The following CDK14 variants were observed in gnomAD, a reference collection of about 807,000 sequenced individuals.
CDK14 encodes cyclin dependent kinase 14, also known as cyclin-dependent kinase 14.
CDK14 carries 34 observed loss-of-function variants against 60.7 expected under a neutral mutation model. That is an observed-to-expected ratio of 0.56 (90% confidence interval 0.43 to 0.75). The LOEUF (loss-of-function observed/expected upper bound fraction) is 0.75, where lower values mean the gene tolerates loss of function less well. CDK14 is among the 30% of genes least tolerant of loss of function. The probability of loss-of-function intolerance (pLI) is 0.00; values close to 1 mark genes in which losing one functional copy is unlikely to be tolerated. For missense variants in CDK14, 482 were observed against 564.1 expected, an observed-to-expected ratio of 0.85 and a Z score of 1.47; for synonymous variants, 197 against 203.7, an observed-to-expected ratio of 0.97 and a Z score of 0.28.
intron 14 of CDK14, among the ~76,000 whole-genome samples, chr7:91,144,913 G>A (rs969739854): frequency 2.6e-5 from 4 of 152,158 alleles, no homozygotes; most frequent in African/African-American, 9.7e-5. Flanking sequence ...AATTAGATAG[G>A]TATTAGGGAC....
At chr7:91,007,122 C>G (rs1796000883) in intron 10 of CDK14, among the ~76,000 whole-genome samples, 2 of 152,182 alleles carry the variant, frequency 1.3e-5, no homozygotes, top group South Asian at 4.1e-4. Flanking sequence ...TGCTCCAGAA[C>G]TCTTGAACCA....
chr7:90,955,137 GT>G (rs1029589413), intron 8 of CDK14, among the ~76,000 whole-genome samples: 22 of 152,100 alleles, frequency 1.4e-4, no homozygotes, highest in Non-Finnish European at 1.3e-4. Flanking sequence ...TTATTTAGAT[GT>G]TTTTTCAAAA....
At chr7:90,682,247 G>A (rs1246965887) in intron 2 of CDK14, among the ~76,000 whole-genome samples, 8 of 152,060 alleles carry the variant, frequency 5.3e-5, no homozygotes, top group African/African-American at 1.4e-4. Context: ...AAGGGAAAAT[G>A]TATAAATATC....
At chr7:90,839,725 A>G (rs574983833) in intron 5 of CDK14, among the ~76,000 whole-genome samples, 1 of 152,302 alleles carries the variant, frequency 6.6e-6, no homozygotes, top group African/African-American at 2.4e-5. Flanking sequence ...AGTATAAACT[A>G]TTGGTTTTAA....
At chr7:91,099,666 G>A (rs1799100486) in intron 12 of CDK14, among the ~76,000 whole-genome samples, 1 of 152,158 alleles carries the variant, frequency 6.6e-6, no homozygotes, top group African/African-American at 2.4e-5. Flanking sequence ...TGAAGTAGGA[G>A]AGGGCTATTA....
At chr7:91,109,051 G>T (rs1799399029) in intron 12 of CDK14, among the ~76,000 whole-genome samples, 1 of 152,068 alleles carries the variant, frequency 6.6e-6, no homozygotes, top group African/African-American at 2.4e-5. Context: ...TAAAATTTTT[G>T]AAAATCTTGT....
At chr7:91,117,603 C>T (rs1799647629) in intron 13 of CDK14, among the ~76,000 whole-genome samples, 1 of 152,094 alleles carries the variant, frequency 6.6e-6, no homozygotes, top group South Asian at 2.1e-4. Context: ...ATAACATTTA[C>T]CACTATTTAA....
chr7:90,677,216 T>C (rs1801217896), intron 2 of CDK14, among the ~76,000 whole-genome samples: 1 of 152,184 alleles, frequency 6.6e-6, no homozygotes, highest in Non-Finnish European at 1.5e-5. Context: ...ACTGGTAAGT[T>C]CCATGGTTCG....
chr7:90,986,472 T>C, intron 10 of CDK14, among the ~76,000 whole-genome samples: 1 of 152,102 alleles, frequency 6.6e-6, no homozygotes, highest in East Asian at 1.9e-4. Context: ...TCTATGGAAA[T>C]AATACAAAAT....
chr7:90,951,326 A>G (rs1794256386), intron 8 of CDK14, among the ~76,000 whole-genome samples: 1 of 152,152 alleles, frequency 6.6e-6, no homozygotes, highest in South Asian at 2.1e-4. Context: ...GTTGCTCTAT[A>G]ATATAATATG....
chr7:90,636,105 TC>T (rs1338332239), intron 2 of CDK14, among the ~76,000 whole-genome samples: 2 of 149,690 alleles, frequency 1.3e-5, no homozygotes, highest in Non-Finnish European at 3.0e-5. Flanking sequence ...CTTCCTCTTT[TC>T]CTAATTGAAT....
At position 91,038,858 on chromosome 7, in the gene CDK14, G is replaced by C. The variant is rs909372884; in HGVS notation, c.1042-7039G>C. On this transcript the variant is annotated intron_variant, in intron 10 of 14. Transcript: ENST00000380050. Reference sequence around the variant, plus strand: ...TCTTTGCCGGCCACCATCCATATAAGATGTTACTTGCTCCTCCTTGCCTTC... The same window carrying C: ...TCTTTGCCGGCCACCATCCATATAACATGTTACTTGCTCCTCCTTGCCTTC... Among the ~76,000 whole-genome samples, 5 of 152,180 alleles carry C rather than the reference G, an allele frequency of 3.3e-5. No homozygotes were observed. In the East Asian group the frequency reaches 9.6e-4, roughly 29 times the overall value.
intron 8 of CDK14, among the ~76,000 whole-genome samples, chr7:90,949,346 G>A (rs755452994): frequency 6.6e-5 from 10 of 151,784 alleles, no homozygotes; most frequent in African/African-American, 1.2e-4. Context: ...GTTTACAGGC[G>A]CCCGCCACCA....
At chr7:90,939,909 C>T (rs1040439571) in intron 8 of CDK14, among the ~76,000 whole-genome samples, 2 of 152,110 alleles carry the variant, frequency 1.3e-5, no homozygotes, top group African/African-American at 2.4e-5. Flanking sequence ...TTAACTCACT[C>T]CTGCCAGCCA....
At chr7:91,137,369 C>A (rs184339436) in intron 14 of CDK14, among the ~76,000 whole-genome samples, 3 of 152,206 alleles carry the variant, frequency 2.0e-5, no homozygotes, top group Admixed American at 2.0e-4. Context: ...AATCTGTTTT[C>A]TGAAATGAAC....
intron 11 of CDK14, among the ~76,000 whole-genome samples, chr7:91,073,986 C>T (rs186163834): frequency 6.6e-6 from 1 of 152,120 alleles, no homozygotes; most frequent in Non-Finnish European, 1.5e-5. Flanking sequence ...AATACAGGAG[C>T]ACCTAGATTC....
intron 5 of CDK14, among the ~76,000 whole-genome samples, chr7:90,808,359 C>G (rs374866988): frequency 7.2e-5 from 11 of 152,068 alleles, no homozygotes; most frequent in Non-Finnish European, 1.5e-4. Flanking sequence ...CATATCCAGA[C>G]AAACTAAGCT....
chr7:91,197,674 A>G (rs1802588880), intron 14 of CDK14, among the ~76,000 whole-genome samples: 1 of 152,226 alleles, frequency 6.6e-6, no homozygotes, highest in African/African-American at 2.4e-5. Flanking sequence ...ATTAAGTGGA[A>G]GAATACATGG....
intron 8 of CDK14, among the ~76,000 whole-genome samples, chr7:90,923,857 A>G (rs1793329005): frequency 6.6e-6 from 1 of 152,242 alleles, no homozygotes; most frequent in Non-Finnish European, 1.5e-5. Flanking sequence ...ATAGCCATGT[A>G]TCCTTAGAAA....
Sources: allele counts gnomAD v4.1 joint callset (sites outside exome capture counted in the v4.1 genomes callset), GRCh38; gene constraint gnomAD v4.1.1; transcripts MANE v1.5; gene names NCBI Gene and HGNC (gene_info 2026-07-23, HGNC 2026-07-21).